Variants in CDK11B observed in about 807,000 individuals in gnomAD.
CDK11B encodes the protein cyclin dependent kinase 11B.
In CDK11B, 37 loss-of-function variants were observed where a neutral mutation model predicts 84.0. The ratio of observed to expected loss-of-function variants is 0.44; its 90% CI spans 0.34 to 0.58. The LOEUF (loss-of-function observed/expected upper bound fraction) is 0.58, where lower values mean the gene tolerates loss of function less well. Among genes scored for constraint, CDK11B ranks in the 20% least tolerant of loss-of-function variants. The pLI, the probability that CDK11B is intolerant of heterozygous loss-of-function variation, is 0.02. For synonymous variants in CDK11B, 269 were observed against 309.8 expected, an observed-to-expected ratio of 0.87 and a Z score of 1.38; for missense variants, 427 against 834.0, an observed-to-expected ratio of 0.51 and a Z score of 6.01.
chr1:1,654,037 C>T (rs1642390593), intron 3 of CDK11B: 2 of 418,720 alleles, frequency 4.8e-6, no homozygotes, highest in Non-Finnish European at 9.5e-6. Context: ...ACAAAACAAT[C>T]TTCATAATCT....
chr1:1,654,176 T>C (rs1250159145), intron 3 of CDK11B: 2 of 463,420 alleles, frequency 4.3e-6, no homozygotes, highest in Non-Finnish European at 8.7e-6. Flanking sequence ...TAATTACTAA[T>C]ACCTGATGAC....
intron 18 of CDK11B, 99 bp downstream of exon 18, chr1:1,636,234 G>A (rs1409178654): frequency 1.4e-5 from 17 of 1,220,602 alleles, no homozygotes; most frequent in African/African-American, 3.0e-5. Flanking sequence ...CCAGGCACCA[G>A]AGCAGTTCTG....
chr1:1,654,939 T>G (rs999563487), intron 3 of CDK11B, among the ~76,000 whole-genome samples: 1 of 151,938 alleles, frequency 6.6e-6, no homozygotes, highest in Non-Finnish European at 1.5e-5. Context: ...ATTACAGGCG[T>G]GAGCCACCGC....
rs772953990 is a variant in CDK11B at position 1,645,295 on chromosome 1, CAGA to C, written c.495-36_495-34del. 2.5e-6 allele frequency: 4 copies of C among 1,610,624 alleles called. No homozygotes were observed. The East Asian group carries it at 8.9e-5, about 36-fold the overall frequency. On this transcript the variant is annotated intron_variant, in intron 5 of 19. Transcript: ENST00000341832. ...GGCACACGCCATCATTCCCCCTAAA[CAGA>C]AGCTTGCTTATCGCGTTTTTGTCCA...
At chr1:1,646,202 G>C in intron 5 of CDK11B, 1 of 382,480 alleles carries the variant, frequency 2.6e-6, no homozygotes, top group Admixed American at 3.1e-5. Flanking sequence ...TGCCCTGTCT[G>C]TTTGGGGCAC....
At position 1,650,515 on chromosome 1, in the gene CDK11B, G is replaced by A. The variant is rs1237152751; in HGVS notation, c.356-878C>T. Among the ~76,000 whole-genome samples the A allele has an allele frequency of 8.0e-5, 12 of 150,516 alleles. No homozygotes were observed. The South Asian group carries it at 1.9e-3, about 24-fold the overall frequency. ...CGAGTAGCTGGTACTACAGGCGCCT[G>A]CCACCACGCCCGGCTAATTTTTTGT... On this transcript the variant is annotated intron_variant, in intron 4 of 19. Transcript: ENST00000341832.
At chr1:1,649,365 T>C in intron 5 of CDK11B, 134 bp downstream of exon 5, 1 of 653,424 alleles carries the variant, frequency 1.5e-6, no homozygotes, top group Non-Finnish European at 2.6e-6. Flanking sequence ...CCTCCCAAAG[T>C]GCTGGGATTA....
chr1:1,637,399 C>T lies in CDK11B; in HGVS notation c.1570+9G>A, dbSNP rs754457183. 23 of 1,612,720 alleles carry T rather than the reference C, an allele frequency of 1.4e-5. No individual in the cohort carries two copies. The highest frequency in any genetic ancestry group is 5.0e-5 in the Admixed American group (3 of 59,804). On this transcript the variant is annotated intron_variant, in intron 14 of 19. Transcript: ENST00000341832. The stretch of plus-strand genomic sequence containing the variant: ...TGTACGCAGACAGGCCCCTGGGGCG[C>T]GGCTGTACCTGGCAGGAAGGGCTGT...
chr1:1,653,513 C>T (rs535748835), intron 3 of CDK11B, among the ~76,000 whole-genome samples: 1 of 151,730 alleles, frequency 6.6e-6, no homozygotes, highest in Non-Finnish European at 1.5e-5. Flanking sequence ...TAGAGACGGG[C>T]TTTCACCATG....
At chr1:1,644,955 C>T (rs1161397639) in intron 6 of CDK11B, among the ~76,000 whole-genome samples, 171 bp downstream of exon 6, 2 of 146,154 alleles carry the variant, frequency 1.4e-5, no homozygotes, top group Admixed American at 6.6e-5. Context: ...ATCGCGCCAC[C>T]GCACTCCAGC....
chr1:1,652,675 A>G (rs1165844856), intron 3 of CDK11B, 109 bp from the exon 4 acceptor site: 3 of 756,846 alleles, frequency 4.0e-6, no homozygotes, highest in African/African-American at 1.8e-5. Context: ...AGACAGGAAC[A>G]AAGCTGAAAC....
chr1:1,639,942 G>C (rs574902196), intron 11 of CDK11B, among the ~76,000 whole-genome samples: 20 of 151,746 alleles, frequency 1.3e-4, no homozygotes, highest in African/African-American at 4.6e-4. Context: ...ACCCGCCCAC[G>C]CAGGGGTCAA....
Position 1,636,613 on chromosome 1 carries a change from C to G in CDK11B, c.1917+69G>C. The G allele has an allele frequency of 1.9e-6, 3 of 1,601,556 alleles. No homozygotes were observed. The East Asian group carries it at 6.7e-5, about 36-fold the overall frequency. ...TCCCCATCTCAACCCAGCACCTGTG[C>G]GCCCCGCAGCCCCATTCCTGCAACT... On this transcript the variant is annotated intron_variant, in intron 17 of 19. Coordinates refer to ENST00000341832, the MANE Select transcript of CDK11B (RefSeq NM_033486.3).
intron 4 of CDK11B, among the ~76,000 whole-genome samples, chr1:1,651,835 A>G (rs1431644798): frequency 6.6e-6 from 1 of 151,946 alleles, no homozygotes; most frequent in Non-Finnish European, 1.5e-5. Flanking sequence ...TGACACACGC[A>G]TGCTTTTAGC....
In CDK11B at chr1:1,637,771, G is replaced by A. The variant is rs572084164; in HGVS notation, c.1455C>T (p.Val485=). 5 of 1,613,784 alleles carry A rather than the reference G, an allele frequency of 3.1e-6. No individual in the cohort carries two copies. In the East Asian group the frequency reaches 1.1e-4, roughly 36 times the overall value. The stretch of plus-strand genomic sequence containing the variant: ...GTGGGGCCATGCTCACTCTAACGGT[G>A]ACGATGTTGGGATGCTGGGCCTTGA... ...TILKAQHPNI[V]TVREIVVGSN... is the part of the protein sequence containing the mutation. Residue 485 remains valine, a synonymous_variant, in exon 13 of 20, where the codon GTC becomes GTT. Transcript: ENST00000341832.
Position 1,636,747 on chromosome 1 carries a change from G to A in CDK11B, c.1852C>T (p.Leu618=), listed in dbSNP as rs750126951. The change falls in exon 17 of 20, where the codon CTG becomes TTG. Residue 618 remains leucine (L), a synonymous_variant. Transcript: ENST00000341832. The part of the protein sequence containing the change: ...MWSVGCIFGE[L]LTQKPLFPGK... ...GGGAACAGAGGCTTCTGAGTCAGCA[G>A]CTCCCCGAAGATGCAACCCACTGAC... 4 of 1,613,940 alleles carry A rather than the reference G, an allele frequency of 2.5e-6. No homozygotes were observed. Among genetic ancestry groups the A allele is most frequent in the Admixed American group, 3.3e-5 (2 of 60,018 alleles).
rs61776760 is a variant in CDK11B, at chr1:1,657,287, C to A, written c.111+88G>T. The A allele has an allele frequency of 9.0e-6, 14 of 1,563,974 alleles. No individual in the cohort carries two copies. In the East Asian group the frequency reaches 3.2e-4, roughly 36 times the overall value. ...CATTTGGAAGTACAAAAGAACTTCACCGAAGAAGCGTTGTTCTAATGGAAA... is the reference window on the plus strand; with the variant it reads ...CATTTGGAAGTACAAAAGAACTTCAACGAAGAAGCGTTGTTCTAATGGAAA... On this transcript the variant is annotated intron_variant, in intron 2 of 19. Coordinates refer to ENST00000341832, the MANE Select transcript of CDK11B (RefSeq NM_033486.3).
At chr1:1,649,671 T>G in intron 4 of CDK11B, 34 bp from the exon 5 acceptor site, 2 of 1,605,492 alleles carry the variant, frequency 1.2e-6, no homozygotes, top group Non-Finnish European at 1.7e-6. Context: ...CAAAGAAACC[T>G]CACTTCAAAA....
At chr1:1,656,388 G>A (rs1642750580) in intron 2 of CDK11B, among the ~76,000 whole-genome samples, 1 of 152,174 alleles carries the variant, frequency 6.6e-6, no homozygotes, top group South Asian at 2.1e-4. Context: ...GTACTCAGGA[G>A]GCTGAGACAG....
Sources: allele counts gnomAD v4.1 joint callset (sites outside exome capture counted in the v4.1 genomes callset), GRCh38; gene constraint gnomAD v4.1.1; transcripts MANE v1.5; gene names NCBI Gene and HGNC (gene_info 2026-07-23, HGNC 2026-07-21).